The following SH3RF1 variants were observed in gnomAD, a reference collection of about 807,000 sequenced individuals.
SH3RF1 encodes the protein SH3 domain containing ring finger 1.
A neutral mutation model predicts 74.0 loss-of-function variants in SH3RF1; 32 were observed. The observed-to-expected ratio is 0.43, with a 90% CI of 0.33 to 0.58. The LOEUF (loss-of-function observed/expected upper bound fraction) is 0.58. Ranked by LOEUF, SH3RF1 falls within the 20% of genes least tolerant of loss-of-function variation. The pLI, the probability that SH3RF1 is intolerant of heterozygous loss-of-function variation, is 0.05. For missense variants in SH3RF1, 954 were observed against 1,130.9 expected (o/e 0.84, Z 2.24); for synonymous variants, 396 against 439.6 (o/e 0.90, Z 1.24).
At chr4:169,229,121 G>GT (rs1730695162) in intron 2 of SH3RF1, among the ~76,000 whole-genome samples, 1 of 151,990 alleles carries the variant, frequency 6.6e-6, no homozygotes, top group African/African-American at 2.4e-5. Flanking sequence ...GTTTTGTTTT[G>GT]CTTTTTGTTT....
At chr4:169,201,764 T>C (rs1446928698) in intron 2 of SH3RF1, 2 of 152,190 alleles carry the variant, frequency 1.3e-5, no homozygotes, top group African/African-American at 4.8e-5. Flanking sequence ...GTTGAAATCA[T>C]ATGTTGATTT....
chr4:169,239,689 C>T (rs1435021946), intron 2 of SH3RF1, among the ~76,000 whole-genome samples: 1 of 152,080 alleles, frequency 6.6e-6, no homozygotes, highest in East Asian at 1.9e-4. Flanking sequence ...GCAAGGCATA[C>T]CACAAGATGT....
intron 4 of SH3RF1, among the ~76,000 whole-genome samples, chr4:169,139,269 T>C (rs1733747033): frequency 6.6e-6 from 1 of 152,148 alleles, no homozygotes; most frequent in African/African-American, 2.4e-5. Flanking sequence ...TGCTGAATAA[T>C]GTGCTTGGTG....
At chr4:169,226,925 G>C (rs948065837) in intron 2 of SH3RF1, among the ~76,000 whole-genome samples, 11 of 152,158 alleles carry the variant, frequency 7.2e-5, no homozygotes, top group Non-Finnish European at 1.6e-4. Flanking sequence ...CCAGCACTTT[G>C]GTAGGCTGAG....
intron 4 of SH3RF1, among the ~76,000 whole-genome samples, chr4:169,140,752 A>G (rs1472020761): frequency 5.3e-5 from 8 of 152,184 alleles, no homozygotes; most frequent in Non-Finnish European, 4.4e-5. Flanking sequence ...AAATTTTTTA[A>G]TAAGAACTAA....
intron 2 of SH3RF1, among the ~76,000 whole-genome samples, chr4:169,195,879 C>T (rs1360107614): frequency 1.3e-5 from 2 of 152,104 alleles, no homozygotes; most frequent in Non-Finnish European, 2.9e-5. Context: ...GACAGAGTCT[C>T]ACTTTGTTGC....
chr4:169,156,697 G>T lies in SH3RF1; in HGVS notation c.394-18C>A. The T allele has an allele frequency of 6.5e-7, 1 of 1,535,892 alleles. No homozygotes were observed. Among genetic ancestry groups the T allele is most frequent in the Middle Eastern group, 1.9e-4 (1 of 5,328 alleles). On this transcript the variant is annotated intron_variant, in intron 2 of 11. Coordinates refer to ENST00000284637, the MANE Select transcript of SH3RF1 (RefSeq NM_020870.4). ...GGTATACCCTTTAAAAAAAAAAGAG[G>T]GATGAATTTTAATAAAATAATGGTC...
At chr4:169,137,056 C>A (rs1417626114) in intron 4 of SH3RF1, among the ~76,000 whole-genome samples, 2 of 152,146 alleles carry the variant, frequency 1.3e-5, no homozygotes, top group Non-Finnish European at 2.9e-5. Flanking sequence ...AATGAAGGGG[C>A]AACTTCTGGG....
At position 169,206,967 on chromosome 4, in the gene SH3RF1, C is replaced by T. The variant is rs1561052959; in HGVS notation, c.394-50288G>A. On this transcript the variant is annotated intron_variant, in intron 2 of 11. Transcript: ENST00000284637. ...AACAACATAGTAAGACCCCATTTCT[C>T]TTTTTTTTTTGAGACAGGGTTTCAC... Among the ~76,000 whole-genome samples the T allele has an allele frequency of 6.1e-5, 9 of 148,750 alleles. No individual in the cohort carries two copies. The South Asian group carries it at 1.9e-3, about 32-fold the overall frequency.
intron 5 of SH3RF1, among the ~76,000 whole-genome samples, chr4:169,130,775 A>C (rs1733606342): frequency 1.3e-5 from 2 of 152,220 alleles, no homozygotes; most frequent in Admixed American, 1.3e-4. Context: ...ATACAACCCA[A>C]GATTAATTTA....
chr4:169,105,934 T>C (rs543668151), intron 11 of SH3RF1, among the ~76,000 whole-genome samples: 1 of 152,278 alleles, frequency 6.6e-6, no homozygotes, highest in African/African-American at 2.4e-5. Flanking sequence ...TAATTCAAGC[T>C]TGTCCAACCC....
At chr4:169,142,288 C>T (rs1191094506) in intron 4 of SH3RF1, among the ~76,000 whole-genome samples, 1 of 152,098 alleles carries the variant, frequency 6.6e-6, no homozygotes, top group Non-Finnish European at 1.5e-5. Flanking sequence ...GTAAAGTGCT[C>T]TTTAACTTAT....
chr4:169,184,827 C>G (rs1354625705), intron 2 of SH3RF1, among the ~76,000 whole-genome samples: 3 of 152,138 alleles, frequency 2.0e-5, no homozygotes, highest in Non-Finnish European at 2.9e-5. Flanking sequence ...ATCACCTAAA[C>G]CTAAACTGGA....
intron 4 of SH3RF1, among the ~76,000 whole-genome samples, chr4:169,136,910 C>T (rs1227360439): frequency 6.6e-6 from 1 of 152,066 alleles, no homozygotes; most frequent in East Asian, 1.9e-4. Context: ...TTAAAACTTG[C>T]CAATAACAAA....
chr4:169,259,394 C>T (rs1167888552), intron 2 of SH3RF1, among the ~76,000 whole-genome samples: 1 of 152,136 alleles, frequency 6.6e-6, no homozygotes, highest in Admixed American at 6.5e-5. Context: ...CCATTCCCTT[C>T]CCAGCTACCC....
intron 2 of SH3RF1, among the ~76,000 whole-genome samples, chr4:169,223,800 T>C (rs914607150): frequency 2.6e-5 from 4 of 152,014 alleles, no homozygotes; most frequent in African/African-American, 9.7e-5. Flanking sequence ...TCAATAAGAA[T>C]GTGATATGTG....
intron 10 of SH3RF1, among the ~76,000 whole-genome samples, chr4:169,108,404 T>C (rs1733182761): frequency 6.6e-6 from 1 of 152,190 alleles, no homozygotes; most frequent in African/African-American, 2.4e-5. Context: ...AGAGACAGTA[T>C]GGCAGAAAAA....
At chr4:169,231,088 G>C (rs1390580965) in intron 2 of SH3RF1, among the ~76,000 whole-genome samples, 1 of 152,184 alleles carries the variant, frequency 6.6e-6, no homozygotes, top group Non-Finnish European at 1.5e-5. Flanking sequence ...TCTGTAAATA[G>C]AAGGTGGTCG....
chr4:169,201,062 C>A lies in SH3RF1; in HGVS notation c.394-44383G>T, dbSNP rs557435205. 6.4e-4 allele frequency among the ~76,000 whole-genome samples: 97 copies of A among 152,078 alleles called. 4 individuals carry two copies. Among genetic ancestry groups the A allele is most frequent in the Non-Finnish European group, 3.5e-4 (24 of 68,010 alleles). On this transcript the variant is annotated intron_variant, in intron 2 of 11. Transcript: ENST00000284637. ...GAAATTAAGATGGCAAACAATAATA[C>A]AGTATTGTCACCATTTCTGATTACT...
Sources: allele counts gnomAD v4.1 joint callset (sites outside exome capture counted in the v4.1 genomes callset), GRCh38; gene constraint gnomAD v4.1.1; transcripts MANE v1.5; gene names NCBI Gene and HGNC (gene_info 2026-07-23, HGNC 2026-07-21).